The following DOK5 variants were observed in gnomAD, a reference collection of about 807,000 sequenced individuals.
DOK5 encodes downstream of tyrosine kinase 5.
Under a neutral mutation model 43.3 loss-of-function variants are expected in DOK5, and 27 were observed. That is an observed-to-expected ratio of 0.62 (90% CI 0.46 to 0.86). The LOEUF (loss-of-function observed/expected upper bound fraction) is 0.86. Ranked by LOEUF, DOK5 falls within the 40% of genes least tolerant of loss-of-function variation. DOK5 has a pLI of 0.00. For missense variants in DOK5, 373 were observed against 392.9 expected, an observed-to-expected ratio of 0.95 and a Z score of 0.43; for synonymous variants, 146 against 140.1, an observed-to-expected ratio of 1.04 and a Z score of -0.30.
At chr20:54,564,605 A>G (rs1370709313) in intron 2 of DOK5, among the ~76,000 whole-genome samples, 1 of 152,182 alleles carries the variant, frequency 6.6e-6, no homozygotes, top group African/African-American at 2.4e-5. Flanking sequence ...AAGAAAACAC[A>G]AAGAACAAAA....
intron 2 of DOK5, among the ~76,000 whole-genome samples, chr20:54,563,857 G>C (rs570176081): frequency 6.6e-6 from 1 of 151,756 alleles, no homozygotes; most frequent in African/African-American, 2.4e-5. Flanking sequence ...ATATCTCTCC[G>C]GGTGATTGGC....
intron 1 of DOK5, among the ~76,000 whole-genome samples, chr20:54,538,047 C>T (rs756654539): frequency 6.6e-6 from 1 of 151,866 alleles, no homozygotes; most frequent in Non-Finnish European, 1.5e-5. Context: ...CCATGTTGGT[C>T]AGGCTGGTCT....
intron 1 of DOK5, among the ~76,000 whole-genome samples, chr20:54,529,347 A>C (rs987747242): frequency 3.9e-5 from 6 of 152,200 alleles, no homozygotes; most frequent in Admixed American, 6.5e-5. Flanking sequence ...ACTACTACTA[A>C]TAATAGTTCC....
chr20:54,502,332 A>G (rs531536390), intron 1 of DOK5, among the ~76,000 whole-genome samples: 1 of 152,330 alleles, frequency 6.6e-6, no homozygotes, highest in Non-Finnish European at 1.5e-5. Flanking sequence ...ACCAGGAGAT[A>G]ACTGGTGAAT....
intron 4 of DOK5, among the ~76,000 whole-genome samples, chr20:54,590,623 G>A (rs1265360622): frequency 6.6e-6 from 1 of 152,068 alleles, no homozygotes; most frequent in Non-Finnish European, 1.5e-5. Context: ...TTGAATAGTA[G>A]ATCGCGGAAC....
chr20:54,535,002 T>C (rs970479347), intron 1 of DOK5, among the ~76,000 whole-genome samples: 7 of 152,022 alleles, frequency 4.6e-5, no homozygotes, highest in African/African-American at 1.7e-4. Context: ...CCTGGCTAGT[T>C]TTTGTATTTT....
chr20:54,503,821 A>G (rs145091187), intron 1 of DOK5, among the ~76,000 whole-genome samples: 5 of 152,282 alleles, frequency 3.3e-5, no homozygotes, highest in African/African-American at 9.6e-5. Context: ...AGAAGTGAAG[A>G]TGGACATAAA....
chr20:54,535,293 G>T (rs1983923023), intron 1 of DOK5, among the ~76,000 whole-genome samples: 1 of 148,362 alleles, frequency 6.7e-6, no homozygotes, highest in South Asian at 2.1e-4. Flanking sequence ...TTCCTTGTGG[G>T]TTTTTTTTTT....
At chr20:54,612,350 T>G (rs557766389) in intron 6 of DOK5, among the ~76,000 whole-genome samples, 1 of 152,162 alleles carries the variant, frequency 6.6e-6, no homozygotes, top group African/African-American at 2.4e-5. Flanking sequence ...GACGTGGGCA[T>G]GCTGAGGAGG....
rs185860663 is a variant in DOK5 at position 54,559,521 on chromosome 20, G to T, written c.174+4481G>T. On this transcript the variant is annotated intron_variant, in intron 2 of 7. Transcript: ENST00000262593. ...TCCCAAAATGTGAACGAAAGAGTGT[G>T]TCAAAAGAGCCTTTCATGATTAAAT... Among the ~76,000 whole-genome samples the T allele has an allele frequency of 5.9e-5, 9 of 152,302 alleles. No individual in the cohort carries two copies. In the East Asian group the frequency reaches 1.7e-3, roughly 29 times the overall value.
At chr20:54,529,867 T>C (rs773382716) in intron 1 of DOK5, among the ~76,000 whole-genome samples, 9 of 152,258 alleles carry the variant, frequency 5.9e-5, no homozygotes, top group Non-Finnish European at 1.2e-4. Context: ...ACATTGTTTT[T>C]GAAGTTTCAT....
intron 4 of DOK5, 145 bp downstream of exon 4, chr20:54,588,951 G>A (rs993525260): frequency 6.1e-6 from 5 of 825,676 alleles, no homozygotes; most frequent in Non-Finnish European, 1.8e-6. Context: ...TCCACAACCT[G>A]TGTTAACATT....
At chr20:54,502,668 C>T (rs1014613918) in intron 1 of DOK5, among the ~76,000 whole-genome samples, 2 of 152,078 alleles carry the variant, frequency 1.3e-5, no homozygotes, top group Admixed American at 1.3e-4. Context: ...TTTTTCCCCA[C>T]AAAAATAGTA....
intron 1 of DOK5, among the ~76,000 whole-genome samples, chr20:54,527,751 G>A (rs1568768239): frequency 6.6e-6 from 1 of 152,142 alleles, no homozygotes; most frequent in Non-Finnish European, 1.5e-5. Context: ...ATTTAAGGTT[G>A]GTGTATCCTT....
rs559065475 is a variant in DOK5 at position 54,649,939 on chromosome 20, T to C, written c.857-476T>C. On this transcript the variant is annotated intron_variant, in intron 7 of 7. Coordinates refer to ENST00000262593, the MANE Select transcript of DOK5 (RefSeq NM_018431.5). ...AGGGGGCTAATAGGGATCTTGTGTG[T>C]TGCCTTCTTGACTTTTTAAACTCTG... Among the ~76,000 whole-genome samples the C allele has an allele frequency of 2.6e-5, 4 of 152,348 alleles. No individual in the cohort carries two copies. The East Asian group carries it at 7.7e-4, about 29-fold the overall frequency.
chr20:54,612,778 CAG>C (rs1197942290), intron 6 of DOK5, among the ~76,000 whole-genome samples: 1 of 152,144 alleles, frequency 6.6e-6, no homozygotes, highest in African/African-American at 2.4e-5. Context: ...ACAGATAAAA[CAG>C]AGATAAATTT....
chr20:54,575,545 A>T (rs906522335), intron 2 of DOK5, among the ~76,000 whole-genome samples: 2 of 152,094 alleles, frequency 1.3e-5, no homozygotes, highest in African/African-American at 2.4e-5. Context: ...GGTTCAAGTG[A>T]TTATCCTGCC....
chr20:54,531,567 C>G (rs552609251), intron 1 of DOK5, among the ~76,000 whole-genome samples: 1 of 152,296 alleles, frequency 6.6e-6, no homozygotes, highest in South Asian at 2.1e-4. Flanking sequence ...GAAGTTGAGT[C>G]TCTTGCCTCC....
intron 6 of DOK5, among the ~76,000 whole-genome samples, chr20:54,637,201 A>G (rs774434400): frequency 1.3e-5 from 2 of 152,362 alleles, no homozygotes; most frequent in South Asian, 4.1e-4. Flanking sequence ...CCCCAGCAGC[A>G]TGATGCTTTT....
Sources: allele counts gnomAD v4.1 joint callset (sites outside exome capture counted in the v4.1 genomes callset), GRCh38; gene constraint gnomAD v4.1.1; transcripts MANE v1.5; gene names NCBI Gene and HGNC (gene_info 2026-07-23, HGNC 2026-07-21).